The following ATRNL1 variants were observed in gnomAD, a reference collection of about 807,000 sequenced individuals.
The protein encoded by ATRNL1 is attractin-like protein 1.
In ATRNL1, 95 loss-of-function variants were observed where a neutral mutation model predicts 182.7. That is an observed-to-expected ratio of 0.52 (90% CI 0.44 to 0.62). ATRNL1 has a LOEUF of 0.62. Ranked by LOEUF, ATRNL1 falls within the 20% of genes least tolerant of loss-of-function variation. ATRNL1 has a pLI of 0.00. For missense variants in ATRNL1, 1,471 were observed against 1,679.5 expected, an observed-to-expected ratio of 0.88 and a Z score of 2.17; for synonymous variants, 576 against 568.3, an observed-to-expected ratio of 1.01 and a Z score of -0.19.
intron 28 of ATRNL1, among the ~76,000 whole-genome samples, chr10:115,924,500 T>C (rs1555119465): frequency 1.3e-5 from 2 of 152,218 alleles, no homozygotes; most frequent in East Asian, 1.9e-4. Context: ...ATTTATTGAA[T>C]AGGAGAGCCT....
intron 28 of ATRNL1, among the ~76,000 whole-genome samples, chr10:115,896,486 G>A (rs1952212872): frequency 6.6e-6 from 1 of 152,092 alleles, no homozygotes; most frequent in African/African-American, 2.4e-5. Flanking sequence ...AACTGATGAT[G>A]TAATTTATTC....
At position 115,621,460 on chromosome 10, in the gene ATRNL1, C is replaced by G. The variant is rs116792472; in HGVS notation, c.3795+71924C>G. Among the ~76,000 whole-genome samples the G allele has an allele frequency of 9.8e-3, 1,486 of 151,910 alleles. 18 individuals carry two copies. The highest frequency in any genetic ancestry group is 0.034 in the African/African-American group (1,407 of 41,400). On this transcript the variant is annotated intron_variant, in intron 26 of 28. Transcript: ENST00000355044. Reference sequence around the variant, plus strand: ...GGGGCTACAGGCCCATACCACCATGCCTGGCTAATTTTTGAATTTTTTGTA... The same window carrying G: ...GGGGCTACAGGCCCATACCACCATGGCTGGCTAATTTTTGAATTTTTTGTA...
intron 1 of ATRNL1, among the ~76,000 whole-genome samples, chr10:115,117,599 A>C (rs1844548848): frequency 1.3e-5 from 2 of 152,100 alleles, no homozygotes; most frequent in Middle Eastern, 3.2e-3. Context: ...TTATCTGTTC[A>C]TCTGTTGATG....
At chr10:115,444,534 A>G (rs2134457115) in intron 21 of ATRNL1, among the ~76,000 whole-genome samples, 1 of 151,746 alleles carries the variant, frequency 6.6e-6, no homozygotes, top group African/African-American at 2.4e-5. Context: ...AAATATTCAT[A>G]TTTCTGTATA....
intron 27 of ATRNL1, among the ~76,000 whole-genome samples, chr10:115,777,098 G>A (rs1241734849): frequency 1.3e-5 from 2 of 152,182 alleles, no homozygotes; most frequent in Non-Finnish European, 2.9e-5. Flanking sequence ...CTGTGATGAG[G>A]TTGTGATAAA....
At chr10:115,754,239 T>A (rs935420798) in intron 27 of ATRNL1, among the ~76,000 whole-genome samples, 34 of 152,198 alleles carry the variant, frequency 2.2e-4, no homozygotes, top group African/African-American at 8.0e-4. Context: ...AGTCATGAAG[T>A]CTTTGCCCAT....
chr10:115,154,378 A>G (rs1438727738), intron 5 of ATRNL1, among the ~76,000 whole-genome samples: 4 of 152,116 alleles, frequency 2.6e-5, no homozygotes, highest in African/African-American at 9.7e-5. Context: ...GACATGCTTT[A>G]TGAATCTGGG....
chr10:115,308,994 C>G (rs1853880046), intron 17 of ATRNL1, among the ~76,000 whole-genome samples: 1 of 152,042 alleles, frequency 6.6e-6, no homozygotes, highest in Non-Finnish European at 1.5e-5. Context: ...TATCCCAGCA[C>G]CATTTATTGA....
In ATRNL1 at chr10:115,403,257, C is replaced by CCTTTT. The variant is rs782077494; in HGVS notation, c.3269+8505_3269+8506insCTTTT. ...CTTTATTTTTCCTAATTACTCTCAT[C>CCTTTT]TTTTTTTTTTTTTTTTTTTAGTCTG... is the stretch of plus-strand genomic sequence containing the variant. On this transcript the variant is annotated intron_variant, in intron 20 of 28. Coordinates refer to ENST00000355044, the MANE Select transcript of ATRNL1 (RefSeq NM_207303.4). 1.9e-5 allele frequency among the ~76,000 whole-genome samples: 2 copies of CCTTTT among 107,470 alleles called. 1 individual carries two copies. 70.5% of individuals were successfully genotyped at this position (107,470 alleles called of 152,430 possible). A position where few individuals can be genotyped will look rare whatever the true frequency, so the allele number is the denominator to read the frequency against.
Position 115,400,302 on chromosome 10 carries a change from T to C in ATRNL1, c.3269+5550T>C, listed in dbSNP as rs558731569. Among the ~76,000 whole-genome samples, 8 of 152,198 alleles carry C rather than the reference T, an allele frequency of 5.3e-5. No homozygotes were observed. The East Asian group carries it at 1.5e-3, about 29-fold the overall frequency. On this transcript the variant is annotated intron_variant, in intron 20 of 28. Transcript: ENST00000355044. ...ACTATATAATTTGATTGTGCTGTGG[T>C]CCAAGAGACTGTAATGATTTCAGTT...
chr10:115,510,631 A>G (rs1159535510), intron 24 of ATRNL1, among the ~76,000 whole-genome samples: 1 of 152,058 alleles, frequency 6.6e-6, no homozygotes, highest in Non-Finnish European at 1.5e-5. Context: ...CTGGGAAACC[A>G]AAAAAATTTT....
At chr10:115,274,577 C>G (rs374838955) in intron 13 of ATRNL1, among the ~76,000 whole-genome samples, 1 of 152,266 alleles carries the variant, frequency 6.6e-6, no homozygotes, top group South Asian at 2.1e-4. Flanking sequence ...CTACATCTTG[C>G]TCACTAGGTC....
chr10:115,138,261 T>C (rs1220083374), intron 5 of ATRNL1, among the ~76,000 whole-genome samples: 2 of 152,212 alleles, frequency 1.3e-5, no homozygotes, highest in Non-Finnish European at 2.9e-5. Flanking sequence ...TGCAAGCTGT[T>C]GGTGGATCTA....
At chr10:115,679,438 G>T (rs782745161) in intron 26 of ATRNL1, among the ~76,000 whole-genome samples, 1 of 151,554 alleles carries the variant, frequency 6.6e-6, no homozygotes, top group Non-Finnish European at 1.5e-5. Flanking sequence ...CTGCCTGCAG[G>T]TTTTTTTTAG....
chr10:115,774,861 A>G (rs782538689), intron 27 of ATRNL1, among the ~76,000 whole-genome samples: 8 of 151,834 alleles, frequency 5.3e-5, no homozygotes, highest in Non-Finnish European at 1.2e-4. Flanking sequence ...GGAGTTAGTG[A>G]AGTCATGGTT....
intron 13 of ATRNL1, among the ~76,000 whole-genome samples, chr10:115,270,876 G>A (rs1240374722): frequency 6.6e-6 from 1 of 152,018 alleles, no homozygotes; most frequent in African/African-American, 2.4e-5. Context: ...TCTACCCCTT[G>A]TCAACTTGGC....
At chr10:115,769,400 G>A (rs1744135168) in intron 27 of ATRNL1, among the ~76,000 whole-genome samples, 1 of 152,114 alleles carries the variant, frequency 6.6e-6, no homozygotes, top group African/African-American at 2.4e-5. Context: ...AAATGAAAGT[G>A]CTTGAAAACT....
intron 28 of ATRNL1, among the ~76,000 whole-genome samples, chr10:115,854,225 A>T (rs941400476): frequency 1.3e-5 from 2 of 152,254 alleles, no homozygotes; most frequent in Admixed American, 6.5e-5. Context: ...TACAGCAGTA[A>T]TCGAGTGATA....
intron 26 of ATRNL1, among the ~76,000 whole-genome samples, chr10:115,557,455 A>G (rs1853379929): frequency 1.3e-5 from 2 of 152,192 alleles, no homozygotes; most frequent in Admixed American, 1.3e-4. Context: ...AAGGTGGAGA[A>G]AAACCCTGAG....
Sources: allele counts gnomAD v4.1 joint callset (sites outside exome capture counted in the v4.1 genomes callset), GRCh38; gene constraint gnomAD v4.1.1; transcripts MANE v1.5; gene names NCBI Gene and HGNC (gene_info 2026-07-23, HGNC 2026-07-21).